ZNF679: variants seen among roughly 807,000 people sequenced by gnomAD.
The protein encoded by ZNF679 is hypothetical protein MGC42415.
In ZNF679, 10 loss-of-function variants were observed where a neutral mutation model predicts 13.4. The ratio of observed to expected loss-of-function variants is 0.75; its 90% CI spans 0.46 to 1.27. The LOEUF is 1.27. ZNF679 is among the 50% of genes most tolerant of loss of function. The pLI is 0.00. For missense variants in ZNF679, 525 were observed against 477.8 expected, an observed-to-expected ratio of 1.10 and a Z score of -0.92; for synonymous variants, 179 against 162.5, an observed-to-expected ratio of 1.10 and a Z score of -0.77.
At chr7:64,261,050 C>T (rs1415362821) in intron 4 of ZNF679, 121 bp downstream of exon 4, 14 of 1,036,806 alleles carry the variant, frequency 1.4e-5, no homozygotes, top group Middle Eastern at 2.1e-4. Flanking sequence ...CTAAGAAGCC[C>T]GAGTCATTTT....
chr7:64,240,026 A>G (rs1028960683), intron 1 of ZNF679, among the ~76,000 whole-genome samples: 1 of 152,148 alleles, frequency 6.6e-6, no homozygotes. Flanking sequence ...ACTTTCCACA[A>G]AAGGAATTGT....
At chr7:64,256,995 C>A (rs941051539) in intron 2 of ZNF679, among the ~76,000 whole-genome samples, 6 of 152,124 alleles carry the variant, frequency 3.9e-5, no homozygotes, top group African/African-American at 1.4e-4. Context: ...TGTGCCTGGC[C>A]TGTTAAACTT....
chr7:64,246,567 A>C (rs949314157), intron 1 of ZNF679, among the ~76,000 whole-genome samples: 1 of 152,088 alleles, frequency 6.6e-6, no homozygotes, highest in Admixed American at 6.6e-5. Context: ...TACTAAAAAT[A>C]CAAAAATTAG....
intron 1 of ZNF679, among the ~76,000 whole-genome samples, chr7:64,234,138 C>A (rs148499768): frequency 2.0e-5 from 3 of 152,208 alleles, no homozygotes; most frequent in East Asian, 1.9e-4. Flanking sequence ...TAACAGGGAC[C>A]CTTCATGGGG....
At chr7:64,262,123 TGGGATTACAAGAATGAGCCACCGC>T (rs2115609442) in intron 4 of ZNF679, among the ~76,000 whole-genome samples, 1 of 152,334 alleles carries the variant, frequency 6.6e-6, no homozygotes, top group East Asian at 1.9e-4. Flanking sequence ...GCCAAAGTTC[TGGGATTACAAGAATGAGCCACCGC>T]GCCTGGCTCG....
chr7:64,243,133 G>T (rs1179169003), intron 1 of ZNF679, among the ~76,000 whole-genome samples: 1 of 152,172 alleles, frequency 6.6e-6, no homozygotes, highest in Non-Finnish European at 1.5e-5. Flanking sequence ...ATATGCATGA[G>T]TGTGATATAT....
chr7:64,257,571 C>T (rs1254497173), intron 2 of ZNF679, among the ~76,000 whole-genome samples: 2 of 152,274 alleles, frequency 1.3e-5, no homozygotes, highest in African/African-American at 2.4e-5. Flanking sequence ...ATTCCCAGCA[C>T]GGTATTCTGT....
Position 64,228,533 on chromosome 7 carries a change from T to A in ZNF679, c.-210T>A, listed in dbSNP as rs1787590948. The A allele has an allele frequency of 6.6e-6, 1 of 152,172 alleles. No individual in the cohort carries two copies. Among genetic ancestry groups the A allele is most frequent in the Non-Finnish European group, 1.5e-5 (1 of 68,026 alleles). 9.4% of individuals were successfully genotyped at this position (152,172 alleles called of 1,614,324 possible). The stretch of plus-strand genomic sequence containing the variant: ...TGTTGGCTGGGCCCAAGCAAATTAG[T>A]AAAATAAATTAGGTGCTGTGTGAAA... On this transcript the variant is annotated 5_prime_UTR_variant, in exon 1 of 5. Coordinates refer to ENST00000421025, the MANE Select transcript of ZNF679 (RefSeq NM_153363.3).
At chr7:64,259,265 G>A (rs1263189248) in intron 2 of ZNF679, among the ~76,000 whole-genome samples, 1 of 152,102 alleles carries the variant, frequency 6.6e-6, no homozygotes, top group East Asian at 1.9e-4. Context: ...ATGCCATGCA[G>A]AATTCTCACC....
At chr7:64,253,068 G>A (rs538396076) in intron 2 of ZNF679, among the ~76,000 whole-genome samples, 8 of 152,224 alleles carry the variant, frequency 5.3e-5, no homozygotes, top group Non-Finnish European at 7.4e-5. Flanking sequence ...ATGGGACTGC[G>A]CACCTTCTAG....
At chr7:64,239,988 T>G (rs940976502) in intron 1 of ZNF679, among the ~76,000 whole-genome samples, 6 of 152,108 alleles carry the variant, frequency 3.9e-5, no homozygotes, top group African/African-American at 1.4e-4. Context: ...ATCGCCTAGG[T>G]GATGTGACTC....
intron 1 of ZNF679, among the ~76,000 whole-genome samples, chr7:64,240,314 C>G (rs1787781592): frequency 1.3e-5 from 2 of 152,170 alleles, no homozygotes; most frequent in Admixed American, 6.5e-5. Context: ...TTCCTGCCCA[C>G]AGGTGTATTG....
At chr7:64,247,089 C>T (rs1787879836) in intron 1 of ZNF679, among the ~76,000 whole-genome samples, 1 of 152,188 alleles carries the variant, frequency 6.6e-6, no homozygotes, top group Non-Finnish European at 1.5e-5. Context: ...ATGTCTTTCG[C>T]ATGCTAATGC....
At chr7:64,258,544 T>A (rs1238187429) in intron 2 of ZNF679, among the ~76,000 whole-genome samples, 1 of 150,932 alleles carries the variant, frequency 6.6e-6, no homozygotes, top group African/African-American at 2.4e-5. Flanking sequence ...CTATTAAAAA[T>A]ACAAAAATCA....
intron 1 of ZNF679, among the ~76,000 whole-genome samples, chr7:64,244,084 T>C (rs1003859648): frequency 1.6e-4 from 24 of 152,180 alleles, no homozygotes; most frequent in African/African-American, 5.5e-4. Flanking sequence ...ACTTGGTCTC[T>C]AATAAAAATG....
chr7:64,236,956 A>G (rs1179027666), intron 1 of ZNF679, among the ~76,000 whole-genome samples: 1 of 38,504 alleles, frequency 2.6e-5, no homozygotes, highest in African/African-American at 1.0e-4. Flanking sequence ...AAAGAAAGAA[A>G]GAAAGAAAGA....
intron 2 of ZNF679, among the ~76,000 whole-genome samples, chr7:64,259,278 A>G (rs1478522379): frequency 6.6e-6 from 1 of 152,140 alleles, no homozygotes; most frequent in African/African-American, 2.4e-5. Context: ...TTCTCACCAC[A>G]AATTTATGAC....
Position 64,260,164 on chromosome 7 carries a change from C to T in ZNF679, c.40-57C>T. 4 of 1,487,992 alleles carry T rather than the reference C, an allele frequency of 2.7e-6. No individual in the cohort carries two copies. The South Asian group carries it at 5.2e-5, about 19-fold the overall frequency. The allele number at this position is 1,487,992 out of a possible 1,614,324, so 92.2% of individuals were successfully genotyped here. On this transcript the variant is annotated intron_variant, in intron 2 of 4. Coordinates refer to ENST00000421025, the MANE Select transcript of ZNF679 (RefSeq NM_153363.3). Reference sequence around the variant, plus strand: ...AAATAAAAATCTCTGCCTACGGCCACATAGTAAGTGTTTGTGTGTTCATGA... The same window carrying T: ...AAATAAAAATCTCTGCCTACGGCCATATAGTAAGTGTTTGTGTGTTCATGA...
At chr7:64,236,083 G>A (rs1787707035) in intron 1 of ZNF679, among the ~76,000 whole-genome samples, 1 of 152,004 alleles carries the variant, frequency 6.6e-6, no homozygotes, top group African/African-American at 2.4e-5. Context: ...TGACCAACAT[G>A]GTGAAACCCT....
Sources: allele counts gnomAD v4.1 joint callset (sites outside exome capture counted in the v4.1 genomes callset), GRCh38; gene constraint gnomAD v4.1.1; transcripts MANE v1.5; gene names NCBI Gene and HGNC (gene_info 2026-07-23, HGNC 2026-07-21).